CDK11A: variants seen among roughly 807,000 people sequenced by gnomAD.
The protein encoded by CDK11A is cyclin dependent kinase 11A.
In CDK11A, 55 loss-of-function variants were observed where a neutral mutation model predicts 83.6. The observed-to-expected ratio is 0.66, with a 90% confidence interval of 0.53 to 0.82. The LOEUF (loss-of-function observed/expected upper bound fraction) is 0.82, where lower values mean the gene tolerates loss of function less well. Among genes scored for constraint, CDK11A ranks in the 40% least tolerant of loss-of-function variants. The pLI is 0.00. For missense variants in CDK11A, 564 were observed against 810.1 expected, an observed-to-expected ratio of 0.70 and a Z score of 3.69; for synonymous variants, 247 against 302.7, an observed-to-expected ratio of 0.82 and a Z score of 1.91.
At chr1:1,706,084 T>A (rs79157438) in intron 11 of CDK11A, among the ~76,000 whole-genome samples, 1 of 150,886 alleles carries the variant, frequency 6.6e-6, no homozygotes, top group Non-Finnish European at 1.5e-5. Flanking sequence ...TTTCTTTTTT[T>A]CTTTTTGAGA....
intron 3 of CDK11A, among the ~76,000 whole-genome samples, chr1:1,721,333 A>G (rs1342814376): frequency 6.6e-6 from 1 of 150,664 alleles, no homozygotes; most frequent in Non-Finnish European, 1.5e-5. Flanking sequence ...GTAAACCTCA[A>G]TAGTTAAAAC....
Position 1,703,813 on chromosome 1 carries a change from G to A in CDK11A, c.1911+11C>T. ...AAATCCATAGCGCACCTGCGGCAGG[G>A]CCAGACCCACCTTGAACACTTTGTT... On this transcript the variant is annotated intron_variant, in intron 17 of 19. Coordinates refer to ENST00000404249, the MANE Select transcript of CDK11A (RefSeq NM_024011.4). 2 of 1,609,254 alleles carry A rather than the reference G, an allele frequency of 1.2e-6. No individual in the cohort carries two copies. The highest frequency in any genetic ancestry group is 1.7e-5 in the Admixed American group (1 of 59,796).
rs2101147367 is a variant in CDK11A at position 1,703,850 on chromosome 1, T to C, written c.1885A>G (p.Ile629Val). The C allele has an allele frequency of 6.2e-7, 1 of 1,609,730 alleles. No homozygotes were observed. Among genetic ancestry groups the C allele is most frequent in the South Asian group, 1.1e-5 (1 of 90,790 alleles). The change falls in exon 17 of 20, where the codon ATC (isoleucine) becomes GTC (valine). Residue 629 changes from isoleucine to valine, a missense_variant. Physicochemically the swap from Ile to Val is conservative, Grantham distance 29 (BLOSUM62 3). Around this residue, in one of 5 missense-constraint regions of CDK11A, gnomAD observed 361 missense variants for 402.7 expected, o/e 0.90. Coordinates refer to ENST00000404249, the MANE Select transcript of CDK11A (RefSeq NM_024011.4). ...TTGAACACTTTGTTGATCTGATCGA[T>C]TTCCGAATTCCCGGGGAACAGAGGC... ...QKPLFPGNSE[I>V]DQINKVFKEL...
intron 4 of CDK11A, 141 bp from the exon 5 acceptor site, chr1:1,716,619 G>C: frequency 1.3e-6 from 1 of 756,474 alleles, no homozygotes; most frequent in Non-Finnish European, 2.1e-6. Context: ...TTCAAAACCA[G>C]CCTGGCCAAC....
intron 1 of CDK11A, among the ~76,000 whole-genome samples, chr1:1,723,514 A>AAAAAAAAAAAAAAAAAAAAAAAG (rs1644990770): frequency 2.3e-5 from 1 of 42,590 alleles, no homozygotes; most frequent in African/African-American, 5.3e-5. Flanking sequence ...AAAAAAAAAA[A>AAAAAAAAAAAAAAAAAAAAAAAG]AAAAAAAAAC....
At chr1:1,716,535 C>T (rs1347770758) in intron 4 of CDK11A, 57 bp from the exon 5 acceptor site, 13 of 1,562,452 alleles carry the variant, frequency 8.3e-6, no homozygotes, top group Middle Eastern at 1.7e-4. Flanking sequence ...TTCACGAGGC[C>T]GGGCACGGTG....
intron 11 of CDK11A, among the ~76,000 whole-genome samples, chr1:1,706,005 G>C (rs999229943): frequency 2.0e-5 from 3 of 150,696 alleles, no homozygotes; most frequent in African/African-American, 7.3e-5. Flanking sequence ...CACTTTGGGA[G>C]GGCAAGGCAG....
rs1644248650 is a variant in CDK11A, at chr1:1,704,825, G to A, written c.1458+79C>T. 2 of 1,603,614 alleles carry A rather than the reference G, an allele frequency of 1.2e-6. 1 individual carries two copies. The highest frequency in any genetic ancestry group is 2.7e-5 in the African/African-American group (2 of 73,954). On this transcript the variant is annotated intron_variant, in intron 13 of 19. Coordinates refer to ENST00000404249, the MANE Select transcript of CDK11A (RefSeq NM_024011.4). The stretch of plus-strand genomic sequence containing the variant: ...CACTAAGTGCAGGAGAGTGTAGGAA[G>A]CACCCGGCCCCAGGACAGCACGGGG...
At chr1:1,715,620 A>G (rs1220296163) in intron 5 of CDK11A, among the ~76,000 whole-genome samples, 1 of 150,044 alleles carries the variant, frequency 6.7e-6, no homozygotes, top group East Asian at 1.9e-4. Context: ...GCGCCCTCTC[A>G]TCATCTTTAC....
chr1:1,702,801 G>A lies in CDK11A; in HGVS notation c.*106C>T, dbSNP rs1296396079. On this transcript the variant is annotated 3_prime_UTR_variant, in exon 20 of 20. Coordinates refer to ENST00000404249, the MANE Select transcript of CDK11A (RefSeq NM_024011.4). ...CCAAAATACAAAAACAAAACATGGA[G>A]CACAAAGTAAGACGAGGAGTTCCGA... 3 of 508,596 alleles carry A rather than the reference G, an allele frequency of 5.9e-6. No homozygotes were observed. The highest frequency in any genetic ancestry group is 4.0e-5 in the African/African-American group (2 of 50,360). 31.5% of individuals were successfully genotyped at this position (508,596 alleles called of 1,614,324 possible).
At chr1:1,716,944 C>G (rs1438461045) in intron 4 of CDK11A, among the ~76,000 whole-genome samples, 2 of 111,478 alleles carry the variant, frequency 1.8e-5, no homozygotes. Flanking sequence ...TTTGAAGAGA[C>G]AGGGTCTCAC....
At chr1:1,708,266 C>G (rs1180124049) in intron 9 of CDK11A, 21 bp from the exon 10 acceptor site, 1 of 1,485,418 alleles carries the variant, frequency 6.7e-7, no homozygotes, top group South Asian at 1.3e-5. Flanking sequence ...AAGGAGGCGT[C>G]TGCTCAGACC....
rs745697129 is a variant in CDK11A at position 1,719,330 on chromosome 1, C to T, written c.353G>A (p.Gly118Glu). Residue 118 changes from glycine to glutamate, a missense_variant and splice_region_variant, in exon 4 of 20, where the codon GGG becomes GAG. Physicochemically the swap from Gly to Glu is moderately conservative, Grantham distance 98. Transcript: ENST00000404249. ...KCRHHSHSAE[G>E]GKHARVKERE... ...AAAGAAAGTAAATGCTTCTGTACCCCCTTCTGCTGAATGGCTATGATGCCT... is the reference window on the plus strand; with the variant it reads ...AAAGAAAGTAAATGCTTCTGTACCCTCTTCTGCTGAATGGCTATGATGCCT... The T allele has an allele frequency of 5.9e-6, 9 of 1,516,994 alleles. 1 individual carries two copies. Among genetic ancestry groups the T allele is most frequent in the Non-Finnish European group, 7.9e-6 (9 of 1,137,256 alleles). 94.0% of individuals were successfully genotyped at this position (1,516,994 alleles called of 1,614,324 possible). A position where few individuals can be genotyped will look rare whatever the true frequency, so the allele number is the denominator to read the frequency against.
rs773300715 is a variant in CDK11A, at chr1:1,703,957, G to A, written c.1795-17C>T. 8.7e-6 allele frequency: 14 copies of A among 1,609,266 alleles called. No homozygotes were observed. In the South Asian group the frequency reaches 1.5e-4, roughly 18 times the overall value. ...GGAGTATTCCTAAGACGCCAGGAGA[G>A]GTGTTCAGGAAGGCCAGTGCCCGCG... On this transcript the variant is annotated splice_polypyrimidine_tract_variant and intron_variant, in intron 16 of 19. Coordinates refer to ENST00000404249, the MANE Select transcript of CDK11A (RefSeq NM_024011.4).
At chr1:1,707,636 C>G in intron 10 of CDK11A, 52 bp from the exon 11 acceptor site, 1 of 1,170,578 alleles carries the variant, frequency 8.5e-7, no homozygotes, top group African/African-American at 1.9e-5. Context: ...GGATCATGAA[C>G]CTCCTCCTGC....
chr1:1,708,509 C>T lies in CDK11A; in HGVS notation c.1004-264G>A, dbSNP rs1335515249. On this transcript the variant is annotated intron_variant, in intron 9 of 19. Coordinates refer to ENST00000404249, the MANE Select transcript of CDK11A (RefSeq NM_024011.4). The stretch of plus-strand genomic sequence containing the variant: ...TACAAAAATTATCCGGGCGTGGTGG[C>T]GCACACCTGTACTCCCAGCTACTTG... Among the ~76,000 whole-genome samples the T allele has an allele frequency of 2.7e-4, 33 of 121,750 alleles. 2 individuals are homozygous for T. The highest frequency in any genetic ancestry group is 8.8e-4 in the African/African-American group (30 of 33,902). 79.9% of individuals were successfully genotyped at this position (121,750 alleles called of 152,430 possible).
chr1:1,719,318 G>A lies in CDK11A; in HGVS notation c.355+10C>T, dbSNP rs780307440. 2.7e-6 allele frequency: 4 copies of A among 1,502,782 alleles called. No homozygotes were observed. The highest frequency in any genetic ancestry group is 1.3e-5 in the South Asian group (1 of 74,864). The allele number at this position is 1,502,782 out of a possible 1,614,324, so 93.1% of individuals were successfully genotyped here. On this transcript the variant is annotated intron_variant, in intron 4 of 19. Transcript: ENST00000404249. ...GAACATGATGTCAAAGAAAGTAAAT[G>A]CTTCTGTACCCCCTTCTGCTGAATG...
intron 5 of CDK11A, among the ~76,000 whole-genome samples, chr1:1,715,935 TCTC>T (rs1644621006): frequency 6.6e-6 from 1 of 150,730 alleles, no homozygotes; most frequent in Non-Finnish European, 1.5e-5. Context: ...GGATCTCCCT[TCTC>T]CTTTTTTTGA....
rs181359165 is a variant in CDK11A at position 1,721,672 on chromosome 1, C to T, written c.151G>A (p.Gly51Arg). ...RDSKRDSLEEGELRDHCMEIT... is the reference protein window; with the variant it reads ...RDSKRDSLEERELRDHCMEIT... ...TCCATGCAGTGATCTCTCAGCTCCC[C>T]CTCCTCAAGGGAATCCCGCTTGGAA... Residue 51 changes from glycine to arginine, a missense_variant, in exon 3 of 20, where the codon GGG (glycine) becomes AGG (arginine). Physicochemically the swap from Gly to Arg is moderately radical, Grantham distance 125. Around this residue, in one of 5 missense-constraint regions of CDK11A, gnomAD observed 151 missense variants for 147.4 expected, o/e 1.02. Coordinates refer to ENST00000404249, the MANE Select transcript of CDK11A (RefSeq NM_024011.4). 1.9e-6 allele frequency: 3 copies of T among 1,598,452 alleles called. No homozygotes were observed. The highest frequency in any genetic ancestry group is 2.7e-5 in the African/African-American group (2 of 74,490).
Sources: allele counts gnomAD v4.1 joint callset (sites outside exome capture counted in the v4.1 genomes callset), GRCh38; gene constraint gnomAD v4.1.1; regional missense constraint gnomAD v4.1.1; transcripts MANE v1.5; gene names NCBI Gene and HGNC (gene_info 2026-07-23, HGNC 2026-07-21).